Variants in NR6A1 observed in about 807,000 individuals in gnomAD.
NR6A1 encodes the protein nuclear receptor subfamily 6 group A member 1, also known as retinoic acid receptor-related testis-associated receptor.
A neutral mutation model predicts 59.1 loss-of-function variants in NR6A1; 7 were observed. That is an observed-to-expected ratio of 0.12 (90% CI 0.07 to 0.22). The LOEUF (loss-of-function observed/expected upper bound fraction) is 0.22, where lower values mean the gene tolerates loss of function less well. Ranked by LOEUF, NR6A1 falls within the 10% of genes least tolerant of loss-of-function variation. The probability of loss-of-function intolerance (pLI) is 1.00; values close to 1 mark genes in which losing one functional copy is unlikely to be tolerated. For synonymous variants in NR6A1, 243 were observed against 236.1 expected (o/e 1.03, Z -0.27); for missense variants, 468 against 611.6 (o/e 0.77, Z 2.48).
At chr9:124,529,677 G>A (rs979093522) in intron 7 of NR6A1, among the ~76,000 whole-genome samples, 2 of 152,124 alleles carry the variant, frequency 1.3e-5, no homozygotes, top group African/African-American at 4.8e-5. Context: ...GGGACCTCAG[G>A]AGTTGTGTCC....
Position 124,750,673 on chromosome 9 carries a change from T to C in NR6A1, c.101-17324A>G, listed in dbSNP as rs954981973. On this transcript the variant is annotated intron_variant, in intron 1 of 9. Coordinates refer to ENST00000487099, the MANE Select transcript of NR6A1 (RefSeq NM_033334.4). Reference sequence around the variant, plus strand: ...TACTCGGGAGGCTGAGGCAGGAGAATGGCGTGAACCCAGGAGGCGGAGGTT... The same window carrying C: ...TACTCGGGAGGCTGAGGCAGGAGAACGGCGTGAACCCAGGAGGCGGAGGTT... Among the ~76,000 whole-genome samples the C allele has an allele frequency of 2.6e-5, 4 of 151,808 alleles. No homozygotes were observed. In the South Asian group the frequency reaches 8.3e-4, roughly 32 times the overall value.
At chr9:124,746,974 CTATT>C (rs1840352220) in intron 1 of NR6A1, among the ~76,000 whole-genome samples, 4 of 152,056 alleles carry the variant, frequency 2.6e-5, no homozygotes, top group Admixed American at 2.6e-4. Flanking sequence ...AGTGGTCACA[CTATT>C]TATTTCTTCT....
intron 2 of NR6A1, among the ~76,000 whole-genome samples, chr9:124,629,395 A>T (rs554983902): frequency 5.7e-5 from 8 of 141,264 alleles, no homozygotes; most frequent in Non-Finnish European, 1.1e-4. Context: ...CAATTGAATT[A>T]GTTTCAAAAC....
At chr9:124,712,621 A>C (rs1202105397) in intron 2 of NR6A1, among the ~76,000 whole-genome samples, 2 of 148,748 alleles carry the variant, frequency 1.3e-5, no homozygotes, top group African/African-American at 2.5e-5. Flanking sequence ...AAAAAAAAAA[A>C]GTCTTTTGAA....
chr9:124,540,218 G>A (rs1833404292), intron 4 of NR6A1, 31 bp from the exon 5 acceptor site: 11 of 1,601,832 alleles, frequency 6.9e-6, no homozygotes, highest in Non-Finnish European at 9.4e-6. Flanking sequence ...ATGTTAGATG[G>A]GTGCTCAGGA....
chr9:124,591,956 A>G (rs2130800390), intron 2 of NR6A1, among the ~76,000 whole-genome samples: 1 of 152,328 alleles, frequency 6.6e-6, no homozygotes, highest in Middle Eastern at 3.4e-3. Context: ...AGGCATGCAA[A>G]AAGAAGATTC....
chr9:124,695,212 G>A (rs181326849), intron 2 of NR6A1, among the ~76,000 whole-genome samples: 13 of 152,282 alleles, frequency 8.5e-5, no homozygotes. Context: ...CTGCTTTTAA[G>A]TATCTCCAGA....
chr9:124,606,454 T>TA (rs79821987), intron 2 of NR6A1, among the ~76,000 whole-genome samples: 86 of 147,074 alleles, frequency 5.8e-4, no homozygotes, highest in African/African-American at 1.6e-3. Context: ...TCTGATGGAT[T>TA]AAAAAAAAAA....
intron 1 of NR6A1, among the ~76,000 whole-genome samples, chr9:124,749,162 C>T (rs140655438): frequency 1.1e-3 from 159 of 150,518 alleles, no homozygotes; most frequent in Middle Eastern, 3.5e-3. Context: ...CTAAGGAGGC[C>T]GAGGCAGGAG....
intron 2 of NR6A1, among the ~76,000 whole-genome samples, chr9:124,684,638 A>T (rs1236812710): frequency 6.6e-6 from 1 of 152,196 alleles, no homozygotes; most frequent in Non-Finnish European, 1.5e-5. Context: ...CTCCCCAGAG[A>T]GCAGCCAGGG....
intron 2 of NR6A1, among the ~76,000 whole-genome samples, chr9:124,590,957 G>A (rs1835102162): frequency 6.6e-6 from 1 of 152,138 alleles, no homozygotes; most frequent in Non-Finnish European, 1.5e-5. Flanking sequence ...TTTCTGTAGA[G>A]AAAAGGCCAG....
chr9:124,616,538 AATG>A (rs1353575497), intron 2 of NR6A1, among the ~76,000 whole-genome samples: 1 of 152,200 alleles, frequency 6.6e-6, no homozygotes, highest in South Asian at 2.1e-4. Flanking sequence ...TCATTAAAGA[AATG>A]ATGATCAGAT....
At chr9:124,731,370 G>GAAAAAAAAAAAA (rs779705280) in intron 2 of NR6A1, among the ~76,000 whole-genome samples, 1 of 108,810 alleles carries the variant, frequency 9.2e-6, no homozygotes. Context: ...ACTCCATCTC[G>GAAAAAAAAAAAA]AAAAAAAAAA....
intron 1 of NR6A1, among the ~76,000 whole-genome samples, chr9:124,752,478 A>G (rs1252917086): frequency 5.2e-4 from 79 of 152,210 alleles, no homozygotes; most frequent in Non-Finnish European, 2.9e-5. Context: ...AATGGTAATT[A>G]AACATAATTA....
intron 3 of NR6A1, among the ~76,000 whole-genome samples, chr9:124,548,788 C>T (rs79890492): frequency 0.015 from 2,218 of 152,302 alleles, 27 homozygotes; most frequent in Non-Finnish European, 0.023. Flanking sequence ...AGTTATGAGA[C>T]CACAGAGTTA....
intron 2 of NR6A1, among the ~76,000 whole-genome samples, chr9:124,707,205 T>C (rs1224451619): frequency 6.6e-6 from 1 of 152,144 alleles, no homozygotes; most frequent in Non-Finnish European, 1.5e-5. Flanking sequence ...TTTTTCTCTG[T>C]TCTTCATATT....
intron 2 of NR6A1, among the ~76,000 whole-genome samples, chr9:124,602,683 T>TTCTA (rs1342552459): frequency 2.6e-5 from 4 of 152,184 alleles, no homozygotes; most frequent in Non-Finnish European, 5.9e-5. Context: ...AGGAAAAGAC[T>TTCTA]TCTATCTAAA....
At chr9:124,694,566 T>C (rs1054637421) in intron 2 of NR6A1, among the ~76,000 whole-genome samples, 1 of 152,206 alleles carries the variant, frequency 6.6e-6, no homozygotes, top group Non-Finnish European at 1.5e-5. Flanking sequence ...AGATAGAAGA[T>C]GTACATTTTT....
chr9:124,641,167 C>T (rs749850039), intron 2 of NR6A1, among the ~76,000 whole-genome samples: 2 of 152,122 alleles, frequency 1.3e-5, no homozygotes, highest in African/African-American at 2.4e-5. Context: ...GCCTGGCCAA[C>T]ATGGCAAAAC....
Sources: gnomAD v4.1 joint callset for allele counts (sites outside exome capture counted in the v4.1 genomes callset) on GRCh38, gnomAD v4.1.1 for gene constraint, MANE v1.5 for transcripts, NCBI Gene and HGNC (gene_info 2026-07-23, HGNC 2026-07-21) for gene names.